Variants in MINK1 observed in about 807,000 individuals in gnomAD.
MINK1 encodes misshapen like kinase 1, also known as misshapen-like kinase 1.
A neutral mutation model predicts 178.4 loss-of-function variants in MINK1; 46 were observed. The ratio of observed to expected loss-of-function variants is 0.26; its 90% CI spans 0.20 to 0.33. The LOEUF (loss-of-function observed/expected upper bound fraction) is 0.33. Among genes scored for constraint, MINK1 ranks in the 10% least tolerant of loss-of-function variants. The pLI is 1.00. For synonymous variants in MINK1, 797 were observed against 709.7 expected (o/e 1.12, Z -1.96); for missense variants, 1,366 against 1,814.9 (o/e 0.75, Z 4.49).
At position 4,896,709 on chromosome 17, in the gene MINK1, G is replaced by A; in HGVS notation, c.3811G>A (p.Glu1271Lys). ...ICSNQIMGWG[E>K]KAIEIRSVET... The stretch of plus-strand genomic sequence containing the variant: ...CTCCAACCAGATAATGGGCTGGGGT[G>A]AGAAAGCCATTGAGATCCGCTCTGT... Residue 1271 changes from glutamate to lysine, a missense_variant, in exon 31 of 32, where the codon GAG becomes AAG. Physicochemically the swap from Glu to Lys is moderately conservative, Grantham distance 56 (BLOSUM62 1). Around this residue, in one of 14 missense-constraint regions of MINK1, gnomAD observed 201 missense variants for 240.7 expected, o/e 0.84. Coordinates refer to ENST00000355280, the MANE Select transcript of MINK1 (RefSeq NM_153827.5). This position sits in a 1 kb window ranked among gnomAD's most constrained non-coding sequence, Gnocchi z 4.6. The A allele has an allele frequency of 6.2e-7, 1 of 1,602,802 alleles. No homozygotes were observed. Among genetic ancestry groups the A allele is most frequent in the East Asian group, 2.2e-5 (1 of 44,680 alleles).
At chr17:4,858,222 C>T (rs1362577878) in intron 1 of MINK1, among the ~76,000 whole-genome samples, 3 of 152,094 alleles carry the variant, frequency 2.0e-5, no homozygotes, top group African/African-American at 7.2e-5. Context: ...CTTTGCCCCC[C>T]TCTTCCTCTC....
chr17:4,894,356 C>T lies in MINK1; in HGVS notation c.2808+45C>T, dbSNP rs772271880. The T allele has an allele frequency of 3.2e-5, 51 of 1,592,168 alleles. No individual in the cohort carries two copies. The highest frequency in any genetic ancestry group is 3.3e-4 in the Middle Eastern group (2 of 5,990). ...GTCCGCCGGGAGAGAAGAGCCCTGGCGATGGGCAGGAGGTCCCGGTGCTGG... is the reference window on the plus strand; with the variant it reads ...GTCCGCCGGGAGAGAAGAGCCCTGGTGATGGGCAGGAGGTCCCGGTGCTGG... On this transcript the variant is annotated intron_variant, in intron 23 of 31. Transcript: ENST00000355280. The surrounding 1 kb of genome is among the most constrained non-coding windows in gnomAD (Gnocchi z 4.1).
chr17:4,855,957 A>G (rs1442036365), intron 1 of MINK1, among the ~76,000 whole-genome samples: 2 of 151,464 alleles, frequency 1.3e-5, no homozygotes, highest in Non-Finnish European at 2.9e-5. Context: ...CTGGGTGACA[A>G]AAGCGAGACT....
At chr17:4,855,005 G>A (rs1292709096) in intron 1 of MINK1, among the ~76,000 whole-genome samples, 5 of 152,068 alleles carry the variant, frequency 3.3e-5, no homozygotes, top group African/African-American at 1.2e-4. Flanking sequence ...TCAGCAATTC[G>A]AGACCAGCCT....
At chr17:4,852,565 C>G (rs1912157111) in intron 1 of MINK1, among the ~76,000 whole-genome samples, 1 of 150,702 alleles carries the variant, frequency 6.6e-6, no homozygotes. Flanking sequence ...GAGAGAAAGC[C>G]ACTAGTTAGT....
At chr17:4,873,615 T>C in intron 1 of MINK1, among the ~76,000 whole-genome samples, 1 of 109,804 alleles carries the variant, frequency 9.1e-6, no homozygotes, top group African/African-American at 3.4e-5. Context: ...CTTTTTTCTT[T>C]TCTTTTTTTT....
intron 1 of MINK1, among the ~76,000 whole-genome samples, chr17:4,846,373 A>G (rs1157199264): frequency 1.3e-5 from 2 of 152,206 alleles, no homozygotes; most frequent in Non-Finnish European, 2.9e-5. Flanking sequence ...GAACTGCCCA[A>G]TACCGAATGG....
At chr17:4,846,422 G>A (rs1911041435) in intron 1 of MINK1, among the ~76,000 whole-genome samples, 2 of 152,128 alleles carry the variant, frequency 1.3e-5, no homozygotes, top group African/African-American at 2.4e-5. Context: ...AGTCTAAAGC[G>A]TACTTTTTTC....
At chr17:4,877,972 A>G (rs11652806) in intron 1 of MINK1, among the ~76,000 whole-genome samples, 3 of 151,700 alleles carry the variant, frequency 2.0e-5, no homozygotes, top group Non-Finnish European at 1.5e-5. Context: ...AACCACGCCC[A>G]GCTAATTTTT....
intron 1 of MINK1, among the ~76,000 whole-genome samples, chr17:4,834,098 C>A (rs1215299561): frequency 1.3e-5 from 2 of 152,186 alleles, no homozygotes; most frequent in Admixed American, 6.5e-5. Flanking sequence ...GCCTCTCTCT[C>A]ATCCCTCTTT....
Position 4,836,130 on chromosome 17 carries a change from C to T in MINK1, c.57+2490C>T, listed in dbSNP as rs901939500. Among the ~76,000 whole-genome samples the T allele has an allele frequency of 2.0e-5, 3 of 152,174 alleles. No homozygotes were observed. The highest frequency in any genetic ancestry group is 2.9e-5 in the Non-Finnish European group (2 of 68,030). On this transcript the variant is annotated intron_variant, in intron 1 of 31. Transcript: ENST00000355280. The surrounding 1 kb of genome is among the most constrained non-coding windows in gnomAD (Gnocchi z 4.3). ...AGTGTGGTCATCTCTTGTGCTATTC[C>T]TGTCTGTTTTCCAGTGAGAAATGGT... is the stretch of plus-strand genomic sequence containing the variant.
intron 1 of MINK1, among the ~76,000 whole-genome samples, chr17:4,849,413 CT>C (rs1203858027): frequency 1.3e-5 from 2 of 152,156 alleles, no homozygotes; most frequent in East Asian, 1.9e-4. Context: ...GTATAAAGAG[CT>C]TTATTGAAAG....
rs551882963 is a variant in MINK1, at chr17:4,856,522, G to A, written c.58-21795G>A. ...AGGGCCTGGCAGCGCGGGCTGGAGA[G>A]GGTGGTTCCATCCAAGGAGCCTCCG... On this transcript the variant is annotated intron_variant, in intron 1 of 31. Transcript: ENST00000355280. Among the ~76,000 whole-genome samples, 5 of 152,276 alleles carry A rather than the reference G, an allele frequency of 3.3e-5. No homozygotes were observed. The South Asian group carries it at 1.0e-3, about 32-fold the overall frequency.
intron 1 of MINK1, among the ~76,000 whole-genome samples, chr17:4,876,511 C>T (rs1036710284): frequency 6.6e-6 from 1 of 152,102 alleles, no homozygotes; most frequent in Non-Finnish European, 1.5e-5. Flanking sequence ...ACGCCCAAGT[C>T]GTCTTCCTTG....
intron 2 of MINK1, among the ~76,000 whole-genome samples, chr17:4,879,233 G>A (rs1967477523): frequency 6.6e-6 from 1 of 151,982 alleles, no homozygotes; most frequent in South Asian, 2.1e-4. Context: ...GAGGTGGCCT[G>A]ACCACTGCTC....
In MINK1 at chr17:4,893,067, A is replaced by G. The variant is rs1969030678; in HGVS notation, c.2400A>G (p.Ala800=). ...ACCGCTCACGGCCAGGCCGGCCCGC[A>G]GTGAGTCACCTGGTGGCAGGCATGG... The part of the protein sequence containing the change: ...DDHRSRPGRP[A]DFVLLKERTL... The change falls in exon 20 of 32, where the codon GCA becomes GCG. Residue 800 remains alanine, a splice_region_variant and synonymous_variant. Transcript: ENST00000355280. The G allele has an allele frequency of 1.3e-6, 2 of 1,559,766 alleles. No homozygotes were observed. Among genetic ancestry groups the G allele is most frequent in the Admixed American group, 1.9e-5 (1 of 51,758 alleles).
At chr17:4,867,655 C>T (rs1474781136) in intron 1 of MINK1, among the ~76,000 whole-genome samples, 1 of 151,726 alleles carries the variant, frequency 6.6e-6, no homozygotes, top group African/African-American at 2.4e-5. Context: ...CAAAAATTAG[C>T]CAGGTATGGT....
intron 1 of MINK1, among the ~76,000 whole-genome samples, chr17:4,844,864 T>G (rs539529022): frequency 1.3e-5 from 2 of 152,332 alleles, no homozygotes; most frequent in African/African-American, 4.8e-5. Context: ...ATTAAGTATA[T>G]GTAAGACTTA....
chr17:4,867,377 CA>C (rs1915190030), intron 1 of MINK1, among the ~76,000 whole-genome samples: 1 of 151,574 alleles, frequency 6.6e-6, no homozygotes, highest in Non-Finnish European at 1.5e-5. Context: ...CGGTCAGGTA[CA>C]ATGGCTCACA....
Sources: allele counts gnomAD v4.1 joint callset (sites outside exome capture counted in the v4.1 genomes callset), GRCh38; gene constraint gnomAD v4.1.1; regional missense constraint gnomAD v4.1.1; non-coding constraint Gnocchi (gnomAD v3.1); transcripts MANE v1.5; gene names NCBI Gene and HGNC (gene_info 2026-07-23, HGNC 2026-07-21).